The following ANKRD6 variants were observed in gnomAD, a reference collection of about 807,000 sequenced individuals.
The protein encoded by ANKRD6 is ankyrin repeat domain-containing protein 6.
A neutral mutation model predicts 82.3 loss-of-function variants in ANKRD6; 56 were observed. The ratio of observed to expected loss-of-function variants is 0.68; its 90% CI spans 0.55 to 0.85. The LOEUF (loss-of-function observed/expected upper bound fraction) is 0.85. Among genes scored for constraint, ANKRD6 ranks in the 40% least tolerant of loss-of-function variants. The pLI is 0.00. For missense variants in ANKRD6, 852 were observed against 907.6 expected (o/e 0.94, Z 0.79); for synonymous variants, 347 against 352.1 (o/e 0.99, Z 0.16).
chr6:89,562,749 G>A (rs1016168687), intron 1 of ANKRD6: 1 of 152,232 alleles, frequency 6.6e-6, no homozygotes, highest in Non-Finnish European at 1.5e-5. Flanking sequence ...GGAGGCTAAC[G>A]GGAAAAGGCA....
chr6:89,495,172 G>T (rs1400308712), intron 1 of ANKRD6, among the ~76,000 whole-genome samples: 1 of 152,238 alleles, frequency 6.6e-6, no homozygotes, highest in Non-Finnish European at 1.5e-5. Flanking sequence ...GGCGGAGCTT[G>T]CAGCGAGCCA....
intron 1 of ANKRD6, among the ~76,000 whole-genome samples, chr6:89,480,169 G>T (rs907361255): frequency 6.6e-6 from 1 of 152,144 alleles, no homozygotes; most frequent in East Asian, 1.9e-4. Flanking sequence ...TACTCTCCTA[G>T]ATTGTTGTCT....
In ANKRD6 at chr6:89,486,005, A is replaced by G. The variant is rs1375614872; in HGVS notation, c.-144+52630A>G. On this transcript the variant is annotated intron_variant, in intron 1 of 15. Coordinates refer to ENST00000339746, the MANE Select transcript of ANKRD6 (RefSeq NM_001242809.2). ...AATTTATTTAAAGAAAATTCAACTA[A>G]GAAAAATATCAGTAATAACTACATT... 2.6e-5 allele frequency among the ~76,000 whole-genome samples: 4 copies of G among 152,254 alleles called. No individual in the cohort carries two copies. In the South Asian group the frequency reaches 6.2e-4, roughly 24 times the overall value.
rs1401588229 is a variant in ANKRD6, at chr6:89,433,481, A to C, written c.-144+106A>C. 2.0e-5 allele frequency: 3 copies of C among 152,072 alleles called. No individual in the cohort carries two copies. Among genetic ancestry groups the C allele is most frequent in the African/African-American group, 7.2e-5 (3 of 41,390 alleles). The allele number at this position is 152,072 out of a possible 1,614,324, so 9.4% of individuals were successfully genotyped here. ...GGGAAGGGGGCGCTGCTCCCTCGGC[A>C]CCCCAGGATCGCCGACTGCCCGCGG... is the stretch of plus-strand genomic sequence containing the variant. On this transcript the variant is annotated intron_variant, in intron 1 of 15. Coordinates refer to ENST00000339746, the MANE Select transcript of ANKRD6 (RefSeq NM_001242809.2). The surrounding 1 kb of genome is among the most constrained non-coding windows in gnomAD (Gnocchi z 4.3).
intron 1 of ANKRD6, among the ~76,000 whole-genome samples, chr6:89,492,156 C>T (rs556474675): frequency 1.2e-4 from 19 of 152,308 alleles, no homozygotes; most frequent in Non-Finnish European, 2.2e-4. Context: ...AGGAAAGATG[C>T]TTTTCCTCCC....
intron 1 of ANKRD6, among the ~76,000 whole-genome samples, chr6:89,467,093 G>C (rs1774931901): frequency 6.6e-6 from 1 of 151,724 alleles, no homozygotes; most frequent in African/African-American, 2.4e-5. Context: ...CCGTAGTCTA[G>C]CTGTTCAGGA....
intron 1 of ANKRD6, among the ~76,000 whole-genome samples, chr6:89,473,326 G>T (rs575738228): frequency 6.6e-6 from 1 of 151,534 alleles, no homozygotes; most frequent in Admixed American, 6.6e-5. Flanking sequence ...CAGGAGAATC[G>T]CTTTAACCTG....
rs531856618 is a variant in ANKRD6, at chr6:89,603,598, G to A, written c.318+471G>A. ...ATAAGGACCTATGTAGGCCTGGGTC[G>A]GGGGGGTAAGGGATGTGCCCCAGAC... is the stretch of plus-strand genomic sequence containing the variant. On this transcript the variant is annotated intron_variant, in intron 4 of 15. Coordinates refer to ENST00000339746, the MANE Select transcript of ANKRD6 (RefSeq NM_001242809.2). Among the ~76,000 whole-genome samples the A allele has an allele frequency of 5.3e-5, 8 of 151,940 alleles. No homozygotes were observed. In the East Asian group the frequency reaches 5.8e-4, roughly 11 times the overall value.
intron 1 of ANKRD6, among the ~76,000 whole-genome samples, chr6:89,544,396 C>T (rs1004883544): frequency 2.0e-5 from 3 of 152,200 alleles, no homozygotes; most frequent in African/African-American, 4.8e-5. Context: ...CTCCCCTTTC[C>T]GCCTGTTCCC....
At chr6:89,522,700 G>A (rs1367109965) in intron 1 of ANKRD6, among the ~76,000 whole-genome samples, 1 of 152,116 alleles carries the variant, frequency 6.6e-6, no homozygotes, top group African/African-American at 2.4e-5. Flanking sequence ...TTTTTCTAGG[G>A]CAGCCCCAGA....
At chr6:89,441,955 C>T (rs780310711) in intron 1 of ANKRD6, among the ~76,000 whole-genome samples, 5 of 151,374 alleles carry the variant, frequency 3.3e-5, no homozygotes, top group African/African-American at 9.7e-5. Flanking sequence ...AAGAGGTCCT[C>T]GGAACATGTG....
intron 15 of ANKRD6, 108 bp downstream of exon 15, chr6:89,629,346 G>A (rs1336889318): frequency 6.7e-7 from 1 of 1,490,882 alleles, no homozygotes; most frequent in African/African-American, 1.4e-5. Context: ...GGGAAACACT[G>A]GATGGTAAAG....
At chr6:89,623,305 G>T in intron 10 of ANKRD6, 105 bp from the exon 11 acceptor site, 2 of 1,407,406 alleles carry the variant, frequency 1.4e-6, no homozygotes, top group Non-Finnish European at 1.9e-6. Flanking sequence ...AAAGGTTCTC[G>T]TGGGTCCCTT....
At chr6:89,558,634 A>G (rs1013271961) in intron 1 of ANKRD6, among the ~76,000 whole-genome samples, 10 of 152,312 alleles carry the variant, frequency 6.6e-5, no homozygotes, top group Admixed American at 5.9e-4. Flanking sequence ...TCTTTGTGGT[A>G]CTTTAATGGC....
intron 1 of ANKRD6, among the ~76,000 whole-genome samples, chr6:89,445,666 G>A (rs1462063368): frequency 6.6e-6 from 1 of 152,020 alleles, no homozygotes; most frequent in Non-Finnish European, 1.5e-5. Flanking sequence ...GGATGGTCTC[G>A]ATCTCCTGAC....
At chr6:89,579,756 CAA>C (rs61159223) in intron 2 of ANKRD6, among the ~76,000 whole-genome samples, 4 of 68,516 alleles carry the variant, frequency 5.8e-5, no homozygotes, top group South Asian at 7.7e-4. Flanking sequence ...GACCCTGTCT[CAA>C]AAAAAAAAAA....
chr6:89,558,081 TTGTGGAAAAAC>T (rs1786870086), intron 1 of ANKRD6, among the ~76,000 whole-genome samples: 1 of 152,172 alleles, frequency 6.6e-6, no homozygotes. Context: ...ACTGCTGAGT[TTGTGGAAAAAC>T]TGTCTTCCAT....
intron 5 of ANKRD6, among the ~76,000 whole-genome samples, chr6:89,607,353 G>A (rs975317791): frequency 6.6e-6 from 1 of 152,032 alleles, no homozygotes; most frequent in African/African-American, 2.4e-5. Flanking sequence ...ACTGTGGGGA[G>A]GGAGACTTAG....
chr6:89,509,394 G>A (rs1780269466), intron 1 of ANKRD6: 1 of 152,214 alleles, frequency 6.6e-6, no homozygotes, highest in Admixed American at 6.5e-5. Flanking sequence ...GTGCGGGAGA[G>A]CCTTGGAAAT....
Sources: gnomAD v4.1 joint callset for allele counts (sites outside exome capture counted in the v4.1 genomes callset) on GRCh38, gnomAD v4.1.1 for gene constraint, Gnocchi (gnomAD v3.1) non-coding constraint, MANE v1.5 for transcripts, NCBI Gene and HGNC (gene_info 2026-07-23, HGNC 2026-07-21) for gene names.